BABAM2: variants seen among roughly 807,000 people sequenced by gnomAD.
BABAM2 encodes BRISC and BRCA1 A complex member 2.
A neutral mutation model predicts 54.7 loss-of-function variants in BABAM2; 31 were observed. That is an observed-to-expected ratio of 0.57 (90% CI 0.43 to 0.77). BABAM2 has a LOEUF of 0.77. BABAM2 is among the 30% of genes least tolerant of loss of function. The pLI is 0.00. For synonymous variants in BABAM2, 167 were observed against 162.9 expected (o/e 1.03, Z -0.19); for missense variants, 364 against 455.8 (o/e 0.80, Z 1.83).
chr2:28,163,720 A>G (rs1673340131), intron 7 of BABAM2, among the ~76,000 whole-genome samples: 1 of 152,204 alleles, frequency 6.6e-6, no homozygotes, highest in Non-Finnish European at 1.5e-5. Flanking sequence ...ATGTACTCCT[A>G]AGGGTGAGAC....
intron 11 of BABAM2, among the ~76,000 whole-genome samples, chr2:28,307,519 T>C (rs574900056): frequency 2.0e-5 from 3 of 152,170 alleles, no homozygotes; most frequent in Non-Finnish European, 2.9e-5. Flanking sequence ...CTTTGTATAT[T>C]TTAGTCATTT....
chr2:27,930,886 A>G (rs554628583), intron 3 of BABAM2, among the ~76,000 whole-genome samples: 1 of 152,342 alleles, frequency 6.6e-6, no homozygotes, highest in South Asian at 2.1e-4. Context: ...CTTGTGGTGA[A>G]CAGCCTATTA....
Position 28,241,325 on chromosome 2 carries a change from G to A in BABAM2, c.783G>A (p.Val261=), listed in dbSNP as rs147449945. 8.0e-4 allele frequency: 1,295 copies of A among 1,613,812 alleles called. 2 individuals carry two copies. Among genetic ancestry groups the A allele is most frequent in the Non-Finnish European group, 1.0e-3 (1,198 of 1,179,760 alleles). ...PQVCHLLTNK[V]QYVIQGYHKR... The stretch of plus-strand genomic sequence containing the variant: ...TCAGCTTTGGGTTTCTATTCCAGGT[G>A]CAGTACGTGATTCAAGGGTATCACA... The change falls in exon 9 of 12, where the codon GTG becomes GTA. Residue 261 remains valine, a splice_region_variant and synonymous_variant. Coordinates refer to ENST00000379624, the MANE Select transcript of BABAM2 (RefSeq NM_199191.3).
chr2:27,958,779 T>C (rs1404746698), intron 3 of BABAM2, among the ~76,000 whole-genome samples: 1 of 152,080 alleles, frequency 6.6e-6, no homozygotes, highest in Non-Finnish European at 1.5e-5. Flanking sequence ...TCATTAAGTG[T>C]GAGTGGTCTG....
intron 5 of BABAM2, among the ~76,000 whole-genome samples, chr2:28,041,747 T>C (rs939599529): frequency 2.0e-5 from 3 of 152,164 alleles, no homozygotes; most frequent in Non-Finnish European, 2.9e-5. Flanking sequence ...TGCTCAATTG[T>C]TAACTTGTCA....
intron 7 of BABAM2, among the ~76,000 whole-genome samples, chr2:28,132,670 C>G (rs1670191074): frequency 6.6e-6 from 1 of 152,158 alleles, no homozygotes; most frequent in African/African-American, 2.4e-5. Context: ...AGGCCTTATT[C>G]AAATACCATC....
At chr2:27,987,969 A>G (rs745980349) in intron 3 of BABAM2, 24 bp from the exon 4 acceptor site, 3 of 1,564,840 alleles carry the variant, frequency 1.9e-6, no homozygotes, top group Admixed American at 3.3e-5. Context: ...AATAAAAAGG[A>G]CCTGTCATTT....
At position 28,322,855 on chromosome 2, in the gene BABAM2, C is replaced by G. The variant is rs956995940; in HGVS notation, c.1089-15595C>G. 6.6e-6 allele frequency among the ~76,000 whole-genome samples: 1 copy of G among 152,216 alleles called. No homozygotes were observed. Among genetic ancestry groups the G allele is most frequent in the African/African-American group, 2.4e-5 (1 of 41,450 alleles). On this transcript the variant is annotated intron_variant, in intron 11 of 11. Coordinates refer to ENST00000379624, the MANE Select transcript of BABAM2 (RefSeq NM_199191.3). The surrounding 1 kb of genome is among the most constrained non-coding windows in gnomAD (Gnocchi z 4.1). ...TGTTTGTGATACAATTAAAATCCCC[C>G]AATGAAAGGCCTTGTATAAATGTAA...
chr2:27,951,370 C>T (rs1045392312), intron 3 of BABAM2, among the ~76,000 whole-genome samples: 2 of 151,822 alleles, frequency 1.3e-5, no homozygotes, highest in Admixed American at 6.6e-5. Context: ...TCTGAATTTC[C>T]CTTAGATTTT....
intron 9 of BABAM2, among the ~76,000 whole-genome samples, chr2:28,244,329 TAAC>T (rs1408509247): frequency 6.6e-6 from 1 of 152,212 alleles, no homozygotes; most frequent in East Asian, 1.9e-4. Context: ...AAGTCAGACT[TAAC>T]AATCACTGTA....
chr2:28,126,294 T>G, intron 6 of BABAM2, among the ~76,000 whole-genome samples: 1 of 77,692 alleles, frequency 1.3e-5, no homozygotes, highest in South Asian at 5.5e-4. Context: ...CCCTCCCCCC[T>G]CCCCCCACCC....
chr2:28,206,782 G>A (rs543132132), intron 7 of BABAM2, among the ~76,000 whole-genome samples: 6 of 152,240 alleles, frequency 3.9e-5, no homozygotes, highest in South Asian at 2.1e-4. Context: ...ACCTAACTAC[G>A]AACGCTGTGT....
chr2:28,129,027 G>A (rs1669810523), intron 6 of BABAM2, among the ~76,000 whole-genome samples: 1 of 152,174 alleles, frequency 6.6e-6, no homozygotes, highest in South Asian at 2.1e-4. Context: ...CCTCCTGAAT[G>A]TGGGAACAAG....
intron 2 of BABAM2, among the ~76,000 whole-genome samples, chr2:27,919,303 A>G (rs1667194378): frequency 6.6e-6 from 1 of 152,148 alleles, no homozygotes; most frequent in South Asian, 2.1e-4. Context: ...CATTTTCTGC[A>G]AAAAAGTAAG....
At chr2:28,163,991 T>C (rs1224416870) in intron 7 of BABAM2, among the ~76,000 whole-genome samples, 3 of 152,230 alleles carry the variant, frequency 2.0e-5, no homozygotes, top group African/African-American at 7.2e-5. Flanking sequence ...AATTTTCTCA[T>C]GGAGTTCTCT....
In BABAM2 at chr2:28,142,764, G is replaced by A. The variant is rs1250899832; in HGVS notation, c.680+13384G>A. On this transcript the variant is annotated intron_variant, in intron 7 of 11. Coordinates refer to ENST00000379624, the MANE Select transcript of BABAM2 (RefSeq NM_199191.3). ...CAGAGTTTAGCACAACCAATTTAAT[G>A]TGTTTTAAAGCTAAAGGAAATTATT... Among the ~76,000 whole-genome samples, 3 of 151,940 alleles carry A rather than the reference G, an allele frequency of 2.0e-5. No individual in the cohort carries two copies. In the East Asian group the frequency reaches 5.8e-4, roughly 29 times the overall value.
intron 3 of BABAM2, among the ~76,000 whole-genome samples, chr2:27,946,934 C>T (rs1008316362): frequency 5.3e-5 from 8 of 152,134 alleles, no homozygotes; most frequent in African/African-American, 1.9e-4. Flanking sequence ...GACCTGTACT[C>T]ATTTCCCCTT....
intron 7 of BABAM2, among the ~76,000 whole-genome samples, chr2:28,148,767 G>T (rs1301870308): frequency 6.6e-6 from 1 of 152,220 alleles, no homozygotes; most frequent in African/African-American, 2.4e-5. Flanking sequence ...ACCTGGAACA[G>T]CACTAAGCAA....
intron 7 of BABAM2, chr2:28,233,041 G>A (rs1002792483): frequency 2.1e-5 from 7 of 326,734 alleles, no homozygotes; most frequent in Non-Finnish European, 4.4e-5. Flanking sequence ...TTAAGTTTCA[G>A]TTCTAAGAAT....
Sources: allele counts gnomAD v4.1 joint callset (sites outside exome capture counted in the v4.1 genomes callset), GRCh38; gene constraint gnomAD v4.1.1; non-coding constraint Gnocchi (gnomAD v3.1); transcripts MANE v1.5; gene names NCBI Gene and HGNC (gene_info 2026-07-23, HGNC 2026-07-21).